The following CRLF3 variants were observed in gnomAD, a reference collection of about 807,000 sequenced individuals.
The protein encoded by CRLF3 is cytokine receptor like factor 3.
CRLF3 carries 33 observed loss-of-function variants against 55.0 expected under a neutral mutation model. The observed-to-expected ratio is 0.60, with a 90% CI of 0.46 to 0.80. CRLF3 has a LOEUF of 0.80. Among genes scored for constraint, CRLF3 ranks in the 30% least tolerant of loss-of-function variants. The pLI, the probability that CRLF3 is intolerant of heterozygous loss-of-function variation, is 0.00. For synonymous variants in CRLF3, 238 were observed against 196.8 expected (o/e 1.21, Z -1.75); for missense variants, 494 against 538.4 (o/e 0.92, Z 0.82).
At chr17:30,790,605 G>GTTTTTT (rs1971771612) in intron 6 of CRLF3, 1 of 80,838 alleles carries the variant, frequency 1.2e-5, no homozygotes, top group African/African-American at 5.4e-5. Context: ...AAATTTTTTT[G>GTTTTTT]CTTTTTTTTT....
intron 4 of CRLF3, among the ~76,000 whole-genome samples, chr17:30,795,813 A>T (rs897818835): frequency 6.6e-6 from 1 of 151,958 alleles, no homozygotes; most frequent in Non-Finnish European, 1.5e-5. Context: ...GCAGGTGCCT[A>T]TAATCCCAGC....
intron 6 of CRLF3, among the ~76,000 whole-genome samples, chr17:30,791,641 C>G (rs1567659913): frequency 1.3e-5 from 2 of 151,410 alleles, no homozygotes; most frequent in East Asian, 3.9e-4. Context: ...CCTCAGCCTC[C>G]CGAGTAGCTG....
At chr17:30,785,862 C>G (rs541997358) in intron 7 of CRLF3, 57 bp downstream of exon 7, 1 of 912,272 alleles carries the variant, frequency 1.1e-6, no homozygotes, top group African/African-American at 1.7e-5. Context: ...AACAGATTCA[C>G]ATATTACTAA....
intron 6 of CRLF3, chr17:30,786,574 A>T (rs924354486): frequency 4.6e-5 from 7 of 152,124 alleles, no homozygotes; most frequent in African/African-American, 1.7e-4. Context: ...TTTATAAGTG[A>T]GGAAAATGAG....
At position 30,785,987 on chromosome 17, in the gene CRLF3, A is replaced by AC. The variant is rs1567656559; in HGVS notation, c.1003dup (p.Val335GlyfsTer10). Reference sequence around the variant, plus strand: ...ATATCCATCCTGTTTTTCTGCACACACTCCTATGCTATCTCTTCTGTCTGG... The same window carrying AC: ...ATATCCATCCTGTTTTTCTGCACACACCTCCTATGCTATCTCTTCTGTCTGG... On this transcript the variant is annotated frameshift_variant, in exon 7 of 8. Coordinates refer to ENST00000324238, the MANE Select transcript of CRLF3 (RefSeq NM_015986.4). LOFTEE classifies it high-confidence loss of function. 1 of 1,613,062 alleles carries AC rather than the reference A, an allele frequency of 6.2e-7. No individual in the cohort carries two copies. The highest frequency in any genetic ancestry group is 8.5e-7 in the Non-Finnish European group (1 of 1,179,316).
chr17:30,805,875 T>G (rs1475600914), intron 1 of CRLF3, among the ~76,000 whole-genome samples: 4 of 151,762 alleles, frequency 2.6e-5, no homozygotes, highest in Non-Finnish European at 5.9e-5. Context: ...ATACAAAAAT[T>G]AGCCGGGCAT....
chr17:30,798,468 A>T (rs1971957611), intron 2 of CRLF3, among the ~76,000 whole-genome samples: 1 of 151,990 alleles, frequency 6.6e-6, no homozygotes, highest in South Asian at 2.1e-4. Flanking sequence ...CACTGCCAGA[A>T]CTCTTTTCCA....
chr17:30,810,975 G>C (rs1472814904), intron 1 of CRLF3, among the ~76,000 whole-genome samples: 1 of 151,814 alleles, frequency 6.6e-6, no homozygotes, highest in Non-Finnish European at 1.5e-5. Flanking sequence ...TGTAGTCCCA[G>C]CTGCTTGGGA....
At chr17:30,812,263 T>C (rs1365857552) in intron 1 of CRLF3, among the ~76,000 whole-genome samples, 1 of 152,186 alleles carries the variant, frequency 6.6e-6, no homozygotes, top group Non-Finnish European at 1.5e-5. Context: ...ACATCAGTCA[T>C]TAGTAATAAT....
chr17:30,807,517 C>CT (rs778842582), intron 1 of CRLF3, among the ~76,000 whole-genome samples: 9,579 of 63,016 alleles, frequency 0.15, 1,804 homozygotes, highest in Non-Finnish European at 0.21. Flanking sequence ...ATTTTCTTTC[C>CT]TTTTTTTTTT....
chr17:30,815,643 A>G (rs184692992), intron 1 of CRLF3, among the ~76,000 whole-genome samples: 3 of 149,158 alleles, frequency 2.0e-5, no homozygotes, highest in Admixed American at 1.4e-4. Context: ...CCCCAGGTTC[A>G]AGTAATTCTC....
intron 7 of CRLF3, among the ~76,000 whole-genome samples, chr17:30,785,308 C>T (rs1022019033): frequency 6.6e-6 from 1 of 151,752 alleles, no homozygotes; most frequent in Admixed American, 6.6e-5. Flanking sequence ...AACTCCTGAC[C>T]TCGTGATTTG....
chr17:30,819,516 C>T (rs1278421733), intron 1 of CRLF3, among the ~76,000 whole-genome samples: 1 of 151,870 alleles, frequency 6.6e-6, no homozygotes, highest in Non-Finnish European at 1.5e-5. Context: ...CTCGCTCTGT[C>T]GCCCAGGCTG....
At chr17:30,810,772 A>G (rs1369359412) in intron 1 of CRLF3, among the ~76,000 whole-genome samples, 1 of 152,126 alleles carries the variant, frequency 6.6e-6, no homozygotes, top group East Asian at 1.9e-4. Context: ...AGTGACTGAT[A>G]TATTTTCCTC....
At chr17:30,801,319 G>A (rs1337367879) in intron 2 of CRLF3, 1 of 150,748 alleles carries the variant, frequency 6.6e-6, no homozygotes, top group East Asian at 2.0e-4. Context: ...TTGAGATGGG[G>A]TCTCATTATC....
rs572203759 is a variant in CRLF3, at chr17:30,815,786, C to T, written c.129+8737G>A. 4.0e-5 allele frequency among the ~76,000 whole-genome samples: 6 copies of T among 150,482 alleles called. No homozygotes were observed. In the South Asian group the frequency reaches 1.1e-3, roughly 27 times the overall value. ...CTCGAACTCCTGACCTCAGGTGATC[C>T]GCCCGCCTTGGCCTCCCTAAATCCT... On this transcript the variant is annotated intron_variant, in intron 1 of 7. Coordinates refer to ENST00000324238, the MANE Select transcript of CRLF3 (RefSeq NM_015986.4).
intron 3 of CRLF3, among the ~76,000 whole-genome samples, chr17:30,796,893 TTTTTA>T (rs1256017512): frequency 1.3e-5 from 2 of 151,822 alleles, no homozygotes; most frequent in Non-Finnish European, 2.9e-5. Flanking sequence ...CCCGGATAAT[TTTTTA>T]TTTTATTTTA....
At chr17:30,817,087 C>A (rs1442173425) in intron 1 of CRLF3, among the ~76,000 whole-genome samples, 2 of 152,096 alleles carry the variant, frequency 1.3e-5, no homozygotes, top group African/African-American at 4.8e-5. Flanking sequence ...ACATTGCAAC[C>A]TACCACCAAC....
intron 1 of CRLF3, among the ~76,000 whole-genome samples, chr17:30,811,763 C>A (rs557328809): frequency 7.1e-6 from 1 of 141,006 alleles, no homozygotes; most frequent in Non-Finnish European, 1.5e-5. Context: ...GAGGCCGTGC[C>A]ACTGCACTCC....
Sources: allele counts gnomAD v4.1 joint callset (sites outside exome capture counted in the v4.1 genomes callset), GRCh38; gene constraint gnomAD v4.1.1; transcripts MANE v1.5; gene names NCBI Gene and HGNC (gene_info 2026-07-23, HGNC 2026-07-21).